Variants in PDZRN4 observed in about 807,000 individuals in gnomAD.
PDZRN4 encodes the protein PDZ domain containing ring finger 4, also known as PDZ domain-containing RING finger protein 4.
In PDZRN4, 70 loss-of-function variants were observed where a neutral mutation model predicts 99.0. That is an observed-to-expected ratio of 0.71 (90% confidence interval 0.58 to 0.86). PDZRN4 has a LOEUF of 0.86. PDZRN4 is among the 40% of genes least tolerant of loss of function. The probability of loss-of-function intolerance (pLI) is 0.00; values close to 1 mark genes in which losing one functional copy is unlikely to be tolerated. For missense variants in PDZRN4, 1,474 were observed against 1,331.2 expected, an observed-to-expected ratio of 1.11 and a Z score of -1.67; for synonymous variants, 551 against 501.6, an observed-to-expected ratio of 1.10 and a Z score of -1.32.
intron 9 of PDZRN4, among the ~76,000 whole-genome samples, chr12:41,570,469 AC>A (rs1181305175): frequency 6.6e-6 from 1 of 152,178 alleles, no homozygotes; most frequent in East Asian, 1.9e-4. Flanking sequence ...CCATATGTGA[AC>A]CTACTTTATG....
At chr12:41,510,744 A>G (rs1938290208) in intron 5 of PDZRN4, among the ~76,000 whole-genome samples, 1 of 152,132 alleles carries the variant, frequency 6.6e-6, no homozygotes, top group Admixed American at 6.6e-5. Flanking sequence ...AAATCCTGAA[A>G]TCTCTTCCCT....
intron 3 of PDZRN4, among the ~76,000 whole-genome samples, chr12:41,380,731 TA>T (rs970081857): frequency 6.6e-6 from 1 of 152,152 alleles, no homozygotes; most frequent in Non-Finnish European, 1.5e-5. Context: ...ATTTGTTTTT[TA>T]CCTTTTATAC....
chr12:41,457,246 T>C (rs2608695), intron 3 of PDZRN4, among the ~76,000 whole-genome samples: 2,610 of 152,212 alleles, frequency 0.017, 98 homozygotes, highest in African/African-American at 0.057. Flanking sequence ...ATATCCTCCA[T>C]GAAAGTTTAA....
At chr12:41,332,456 G>A (rs897226826) in intron 3 of PDZRN4, among the ~76,000 whole-genome samples, 8 of 152,080 alleles carry the variant, frequency 5.3e-5, no homozygotes, top group South Asian at 4.2e-4. Context: ...TTCTTTCCAG[G>A]TTTCGTGATG....
chr12:41,452,852 A>T (rs1384068040), intron 3 of PDZRN4, among the ~76,000 whole-genome samples: 3 of 152,162 alleles, frequency 2.0e-5, no homozygotes, highest in Non-Finnish European at 4.4e-5. Context: ...TGTTTTAATT[A>T]TGTATACTGT....
intron 3 of PDZRN4, among the ~76,000 whole-genome samples, chr12:41,332,744 T>TAAAAAAAAAAAAAAAA: frequency 8.5e-6 from 1 of 118,236 alleles, no homozygotes; most frequent in South Asian, 3.0e-4. Context: ...AGAGGAGGAT[T>TAAAAAAAAAAAAAAAA]AAAAAAAAAA....
intron 3 of PDZRN4, among the ~76,000 whole-genome samples, chr12:41,306,679 A>T (rs1230109401): frequency 6.6e-6 from 1 of 152,134 alleles, no homozygotes; most frequent in Admixed American, 6.5e-5. Flanking sequence ...TTTGCTTAAC[A>T]ATTTCTTCTT....
At position 41,188,690 on chromosome 12, in the gene PDZRN4, G is replaced by T; in HGVS notation, c.235G>T (p.Val79Phe). ...PLRSLIQKLRVQCDYRARGCG... is the reference protein window; with the variant it reads ...PLRSLIQKLRFQCDYRARGCG... Reference sequence around the variant, plus strand: ...GCGCAGCCTCATCCAGAAGCTGCGAGTCCAGTGCGACTACCGCGCCCGCGG... The same window carrying T: ...GCGCAGCCTCATCCAGAAGCTGCGATTCCAGTGCGACTACCGCGCCCGCGG... Residue 79 changes from valine to phenylalanine, a missense_variant, in exon 1 of 10, where the codon GTC becomes TTC. Val to Phe is a conservative substitution (Grantham distance 50, BLOSUM62 -1). Coordinates refer to ENST00000402685, the MANE Select transcript of PDZRN4 (RefSeq NM_001164595.2). The T allele has an allele frequency of 6.4e-7, 1 of 1,557,858 alleles. No individual in the cohort carries two copies. Among genetic ancestry groups the T allele is most frequent in the Non-Finnish European group, 8.6e-7 (1 of 1,161,338 alleles).
At chr12:41,408,512 G>GA (rs1350037885) in intron 3 of PDZRN4, among the ~76,000 whole-genome samples, 1 of 152,160 alleles carries the variant, frequency 6.6e-6, no homozygotes, top group African/African-American at 2.4e-5. Flanking sequence ...CTTCTGAAGT[G>GA]AAAATGGTAT....
intron 2 of PDZRN4, among the ~76,000 whole-genome samples, chr12:41,192,211 C>T (rs1234433179): frequency 1.3e-5 from 2 of 152,128 alleles, no homozygotes. Context: ...TCAATTGATT[C>T]TCCTGCCTCA....
At chr12:41,437,819 G>C in intron 3 of PDZRN4, 1 of 1,579,108 alleles carries the variant, frequency 6.3e-7, no homozygotes, top group Non-Finnish European at 8.6e-7. Flanking sequence ...CGGTTTGTCT[G>C]TGTTTCTGGA....
chr12:41,358,427 G>A (rs753375531), intron 3 of PDZRN4, among the ~76,000 whole-genome samples: 1 of 151,800 alleles, frequency 6.6e-6, no homozygotes, highest in South Asian at 2.1e-4. Flanking sequence ...GCCTTTTCCT[G>A]AAATTTTCAA....
At chr12:41,418,669 G>C (rs949008333) in intron 3 of PDZRN4, among the ~76,000 whole-genome samples, 1 of 152,180 alleles carries the variant, frequency 6.6e-6, no homozygotes, top group African/African-American at 2.4e-5. Context: ...AAATTTCAGA[G>C]TTTGTTGTTA....
intron 3 of PDZRN4, among the ~76,000 whole-genome samples, chr12:41,352,264 G>A (rs999052900): frequency 6.6e-6 from 1 of 152,038 alleles, no homozygotes; most frequent in African/African-American, 2.4e-5. Flanking sequence ...GGCTGTGAAA[G>A]GAAAGAGAGA....
intron 3 of PDZRN4, among the ~76,000 whole-genome samples, chr12:41,280,475 G>C (rs1565540421): frequency 1.3e-5 from 2 of 152,152 alleles, no homozygotes; most frequent in African/African-American, 4.8e-5. Context: ...TTGAAATTCT[G>C]GCTGCCAGCA....
In PDZRN4 at chr12:41,346,325, G is replaced by T. The variant is rs550405808; in HGVS notation, c.843+152137G>T. Among the ~76,000 whole-genome samples, 1,202 of 152,112 alleles carry T rather than the reference G, an allele frequency of 7.9e-3. 15 individuals are homozygous for T. The highest frequency in any genetic ancestry group is 0.028 in the African/African-American group (1,143 of 41,446). On this transcript the variant is annotated intron_variant, in intron 3 of 9. Transcript: ENST00000402685. ...AAAATACAAAAAATTAGCTGGGTGCGGTGGCGGGCGCCTGTAGTCTCAGCT... is the reference window on the plus strand; with the variant it reads ...AAAATACAAAAAATTAGCTGGGTGCTGTGGCGGGCGCCTGTAGTCTCAGCT...
intron 3 of PDZRN4, among the ~76,000 whole-genome samples, chr12:41,263,815 C>T (rs986694756): frequency 2.0e-5 from 3 of 152,224 alleles, no homozygotes; most frequent in East Asian, 3.9e-4. Context: ...ATAAACTATA[C>T]AATAAAATAT....
At chr12:41,396,639 A>G (rs867609000) in intron 3 of PDZRN4, among the ~76,000 whole-genome samples, 15 of 152,282 alleles carry the variant, frequency 9.9e-5, no homozygotes, top group Middle Eastern at 6.8e-3. Context: ...CTGCAGTGTC[A>G]TCAGAAAGCT....
chr12:41,449,866 G>C (rs927033872), intron 3 of PDZRN4, among the ~76,000 whole-genome samples: 2 of 151,814 alleles, frequency 1.3e-5, no homozygotes, highest in Non-Finnish European at 2.9e-5. Context: ...CGTGGTTTTT[G>C]TCCATCATTG....
Sources: gnomAD v4.1 joint callset for allele counts (sites outside exome capture counted in the v4.1 genomes callset) on GRCh38, gnomAD v4.1.1 for gene constraint, MANE v1.5 for transcripts, NCBI Gene and HGNC (gene_info 2026-07-23, HGNC 2026-07-21) for gene names.